The following NRXN3 variants were observed in gnomAD, a reference collection of about 807,000 sequenced individuals.
NRXN3 encodes the protein neurexin III.
NRXN3 carries 32 observed loss-of-function variants against 137.6 expected under a neutral mutation model. The ratio of observed to expected loss-of-function variants is 0.23; its 90% confidence interval spans 0.18 to 0.31. The LOEUF (loss-of-function observed/expected upper bound fraction) is 0.31. Ranked by LOEUF, NRXN3 falls within the 10% of genes least tolerant of loss-of-function variation. The pLI, the probability that NRXN3 is intolerant of heterozygous loss-of-function variation, is 1.00. For missense variants in NRXN3, 1,574 were observed against 2,062.5 expected (o/e 0.76, Z 4.59); for synonymous variants, 798 against 784.5 (o/e 1.02, Z -0.29).
intron 15 of NRXN3, among the ~76,000 whole-genome samples, chr14:79,397,207 A>G (rs1233410614): frequency 1.3e-5 from 2 of 152,110 alleles, no homozygotes; most frequent in African/African-American, 2.4e-5. Context: ...TAAATATAAC[A>G]TTTATGAAGC....
At chr14:78,208,092 A>G (rs937124585) in intron 1 of NRXN3, among the ~76,000 whole-genome samples, 1 of 152,216 alleles carries the variant, frequency 6.6e-6, no homozygotes, top group Non-Finnish European at 1.5e-5. Context: ...TTTCTCACGT[A>G]TAAAATGGGC....
chr14:78,957,170 T>C (rs1597876466), intron 10 of NRXN3, 72 bp from the exon 11 acceptor site: 1 of 1,558,252 alleles, frequency 6.4e-7, no homozygotes, highest in East Asian at 2.3e-5. Context: ...ACCAGTGTGG[T>C]TTTGACAACC....
chr14:78,995,142 A>C (rs1272937238), intron 15 of NRXN3, among the ~76,000 whole-genome samples: 1 of 152,222 alleles, frequency 6.6e-6, no homozygotes, highest in African/African-American at 2.4e-5. Flanking sequence ...AGACAATCAA[A>C]CTGCATAAAA....
intron 15 of NRXN3, among the ~76,000 whole-genome samples, chr14:79,110,758 A>ATT (rs1350171813): frequency 1.5e-4 from 20 of 130,420 alleles, no homozygotes; most frequent in Non-Finnish European, 2.4e-4. Context: ...ATGAGAAATT[A>ATT]TTATTTTATT....
chr14:79,606,672 G>A (rs2098022347), intron 16 of NRXN3, among the ~76,000 whole-genome samples: 2 of 152,058 alleles, frequency 1.3e-5, no homozygotes, highest in South Asian at 4.2e-4. Flanking sequence ...TTAATAAATG[G>A]GTTGTGCACA....
At chr14:79,540,906 T>A (rs1405316296) in intron 16 of NRXN3, among the ~76,000 whole-genome samples, 1 of 152,136 alleles carries the variant, frequency 6.6e-6, no homozygotes, top group African/African-American at 2.4e-5. Context: ...AACAAAGATT[T>A]TTTTTTTCTT....
In NRXN3 at chr14:78,543,142, G is replaced by A. The variant is rs895174795; in HGVS notation, c.758-101978G>A. Among the ~76,000 whole-genome samples, 3 of 152,152 alleles carry A rather than the reference G, an allele frequency of 2.0e-5. No homozygotes were observed. In the South Asian group the frequency reaches 6.2e-4, roughly 32 times the overall value. Reference sequence around the variant, plus strand: ...CTTAAGCTGGCTGCCCTGATTCAAGGTGATGGTTATCTGAGCACCAGGTAA... The same window carrying A: ...CTTAAGCTGGCTGCCCTGATTCAAGATGATGGTTATCTGAGCACCAGGTAA... On this transcript the variant is annotated intron_variant, in intron 4 of 20. Coordinates refer to ENST00000335750, the MANE Select transcript of NRXN3 (RefSeq NM_001330195.2).
chr14:78,579,829 C>G (rs1433770539), intron 4 of NRXN3, among the ~76,000 whole-genome samples: 1 of 152,094 alleles, frequency 6.6e-6, no homozygotes, highest in Non-Finnish European at 1.5e-5. Context: ...TAGCCTAGTT[C>G]CTGAGAAGGA....
chr14:78,284,142 GA>G (rs2074830158), intron 3 of NRXN3, among the ~76,000 whole-genome samples: 1 of 152,164 alleles, frequency 6.6e-6, no homozygotes, highest in Admixed American at 6.5e-5. Context: ...TCACTAAAGG[GA>G]AAAGTCAAGC....
At position 79,133,937 on chromosome 14, in the gene NRXN3, G is replaced by GA. The variant is rs1190530772; in HGVS notation, c.3262+145810dup. ...GAGCAAGATTCCATCTCAAAAAAAA[G>GA]AAAAAAAAAAAAAAGGAAAGAAAAA... On this transcript the variant is annotated intron_variant, in intron 15 of 20. Transcript: ENST00000335750. Among the ~76,000 whole-genome samples, 162 of 42,394 alleles carry GA rather than the reference G, an allele frequency of 3.8e-3. 2 individuals are homozygous for GA. The South Asian group carries it at 0.04, about 10-fold the overall frequency. The allele number at this position is 42,394 out of a possible 152,430, so 27.8% of individuals were successfully genotyped here.
chr14:79,241,118 A>C (rs1183485693), intron 15 of NRXN3, among the ~76,000 whole-genome samples: 2 of 152,128 alleles, frequency 1.3e-5, no homozygotes, highest in East Asian at 3.9e-4. Context: ...TATTTACCAG[A>C]TCAGTATTCT....
chr14:78,532,041 A>C (rs1438922121), intron 4 of NRXN3, among the ~76,000 whole-genome samples: 1 of 151,798 alleles, frequency 6.6e-6, no homozygotes, highest in East Asian at 1.9e-4. Flanking sequence ...GTGGTGGCTC[A>C]TGCCTGTAAT....
intron 16 of NRXN3, among the ~76,000 whole-genome samples, chr14:79,624,999 A>C (rs1476732747): frequency 6.6e-6 from 1 of 151,768 alleles, no homozygotes; most frequent in Non-Finnish European, 1.5e-5. Flanking sequence ...AGGTCTCACT[A>C]TGTTTCCCAG....
intron 15 of NRXN3, among the ~76,000 whole-genome samples, chr14:79,268,949 A>G (rs989092196): frequency 6.6e-5 from 10 of 152,152 alleles, no homozygotes; most frequent in African/African-American, 2.2e-4. Flanking sequence ...AGATTGTTCT[A>G]TTACGTCACA....
intron 19 of NRXN3, among the ~76,000 whole-genome samples, chr14:79,698,881 C>T (rs1246763012): frequency 3.9e-5 from 6 of 152,012 alleles, no homozygotes; most frequent in African/African-American, 1.4e-4. Context: ...TACACTGACT[C>T]CAATGGACGT....
chr14:79,799,139 A>T (rs1465869738), intron 19 of NRXN3, among the ~76,000 whole-genome samples: 1 of 152,198 alleles, frequency 6.6e-6, no homozygotes, highest in Non-Finnish European at 1.5e-5. Context: ...CTCCTGCCAG[A>T]CAGATATTTT....
intron 4 of NRXN3, among the ~76,000 whole-genome samples, chr14:78,412,037 C>T (rs2092861705): frequency 6.6e-6 from 1 of 152,144 alleles, no homozygotes; most frequent in South Asian, 2.1e-4. Flanking sequence ...GGATTATATT[C>T]CCTACATCCT....
At chr14:79,437,726 G>A (rs1040051480) in intron 15 of NRXN3, among the ~76,000 whole-genome samples, 2 of 152,170 alleles carry the variant, frequency 1.3e-5, no homozygotes, top group Non-Finnish European at 2.9e-5. Context: ...GCTTTTGCTG[G>A]CAGCTGAGAG....
At chr14:79,757,189 T>C (rs1036179581) in intron 19 of NRXN3, among the ~76,000 whole-genome samples, 12 of 152,190 alleles carry the variant, frequency 7.9e-5, no homozygotes, top group African/African-American at 2.7e-4. Flanking sequence ...ATTAGTTTTC[T>C]TCAGGGGCTC....
Sources: gnomAD v4.1 joint callset for allele counts (sites outside exome capture counted in the v4.1 genomes callset) on GRCh38, gnomAD v4.1.1 for gene constraint, MANE v1.5 for transcripts, NCBI Gene and HGNC (gene_info 2026-07-23, HGNC 2026-07-21) for gene names.